CLEC9A: variants seen among roughly 807,000 people sequenced by gnomAD.
CLEC9A encodes the protein C-type lectin domain containing 9A.
Under a neutral mutation model 30.0 loss-of-function variants are expected in CLEC9A, and 24 were observed. The observed-to-expected ratio is 0.80, with a 90% CI of 0.58 to 1.13. The LOEUF is 1.13. Among genes scored for constraint, CLEC9A ranks in the 50% most tolerant of loss-of-function variants. The probability of loss-of-function intolerance (pLI) is 0.00; values close to 1 mark genes in which losing one functional copy is unlikely to be tolerated. For synonymous variants in CLEC9A, 111 were observed against 96.8 expected, an observed-to-expected ratio of 1.15 and a Z score of -0.86; for missense variants, 251 against 280.9, an observed-to-expected ratio of 0.89 and a Z score of 0.76.
intron 1 of CLEC9A, among the ~76,000 whole-genome samples, chr12:10,032,904 T>C (rs1226617405): frequency 6.6e-6 from 1 of 152,160 alleles, no homozygotes; most frequent in Non-Finnish European, 1.5e-5. Flanking sequence ...CTAATTTTCT[T>C]GACAACAAAA....
intron 2 of CLEC9A, chr12:10,045,829 G>C (rs1865841385): frequency 6.5e-6 from 1 of 152,748 alleles, no homozygotes; most frequent in African/African-American, 2.4e-5. Flanking sequence ...TTGATCACTT[G>C]CTTCTCAATC....
chr12:10,061,522 T>C (rs1252406710), intron 6 of CLEC9A, among the ~76,000 whole-genome samples: 2 of 152,106 alleles, frequency 1.3e-5, no homozygotes, highest in Non-Finnish European at 2.9e-5. Flanking sequence ...TGTGTGCAAT[T>C]AGTAGGTCAG....
At chr12:10,061,405 T>G in intron 6 of CLEC9A, 132 bp downstream of exon 6, 1 of 907,916 alleles carries the variant, frequency 1.1e-6, no homozygotes. Context: ...ATAATTTTGG[T>G]CACTCTTCAG....
chr12:10,054,567 CT>C (rs1865923712), intron 5 of CLEC9A, among the ~76,000 whole-genome samples: 1 of 152,112 alleles, frequency 6.6e-6, no homozygotes. Context: ...AAATCATGTG[CT>C]ATAGGTCTCT....
chr12:10,051,915 A>C (rs947918962), intron 2 of CLEC9A, 76 bp from the exon 3 acceptor site: 7 of 152,226 alleles, frequency 4.6e-5, no homozygotes. Context: ...GGTGGATGTG[A>C]ATGTGAGACA....
rs1438049850 is a variant in CLEC9A at position 10,062,055 on chromosome 12, C to T, written c.319+782C>T. Among the ~76,000 whole-genome samples the T allele has an allele frequency of 3.9e-5, 6 of 152,302 alleles. No homozygotes were observed. The East Asian group carries it at 9.6e-4, about 24-fold the overall frequency. The stretch of plus-strand genomic sequence containing the variant: ...GGCCATTGCAAACTCGGGTGAGGCC[C>T]ACCTCTGAGCCATCAACCTTGAATA... On this transcript the variant is annotated intron_variant, in intron 6 of 8. Coordinates refer to ENST00000355819, the MANE Select transcript of CLEC9A (RefSeq NM_207345.4).
At chr12:10,043,464 C>G (rs1865815249) in intron 2 of CLEC9A, 1 of 153,788 alleles carries the variant, frequency 6.5e-6, no homozygotes, top group South Asian at 2.0e-4. Context: ...GAGTCACTTA[C>G]TCCCTACTTC....
intron 1 of CLEC9A, among the ~76,000 whole-genome samples, chr12:10,040,020 G>A (rs570032139): frequency 9.9e-5 from 15 of 152,170 alleles, no homozygotes; most frequent in East Asian, 5.8e-4. Flanking sequence ...ACAAAGTTTC[G>A]CCACGTTGGC....
intron 5 of CLEC9A, among the ~76,000 whole-genome samples, chr12:10,055,953 G>A (rs1005694831): frequency 5.7e-4 from 86 of 150,522 alleles, no homozygotes; most frequent in African/African-American, 2.0e-3. Flanking sequence ...TAGCTACTCC[G>A]GAGGCTGAGG....
intron 1 of CLEC9A, among the ~76,000 whole-genome samples, chr12:10,039,736 A>AT (rs1865774793): frequency 6.6e-6 from 1 of 151,928 alleles, no homozygotes; most frequent in Non-Finnish European, 1.5e-5. Flanking sequence ...ATATTTGTTG[A>AT]TTTTTCATGA....
rs1261852504 is a variant in CLEC9A, at chr12:10,041,584, G to A, written c.-199G>A. 3.8e-6 allele frequency: 2 copies of A among 522,610 alleles called. No homozygotes were observed. The highest frequency in any genetic ancestry group is 1.9e-5 in the African/African-American group (1 of 51,546). The allele number at this position is 522,610 out of a possible 1,614,324, so 32.4% of individuals were successfully genotyped here. A position where few individuals can be genotyped will look rare whatever the true frequency, so the allele number is the denominator to read the frequency against. ...GTGAGCAGTACTGCACTGACATGAA[G>A]GCTACTCTCCTGAAGACTGACAACC... On this transcript the variant is annotated 5_prime_UTR_variant, in exon 2 of 9. Coordinates refer to ENST00000355819, the MANE Select transcript of CLEC9A (RefSeq NM_207345.4).
chr12:10,046,473 A>G (rs1865847233), intron 2 of CLEC9A, among the ~76,000 whole-genome samples: 1 of 152,204 alleles, frequency 6.6e-6, no homozygotes, highest in East Asian at 1.9e-4. Context: ...AGGCTACTAC[A>G]CAGAAGGACA....
chr12:10,063,315 T>C, intron 7 of CLEC9A, 109 bp downstream of exon 7: 4 of 1,018,552 alleles, frequency 3.9e-6, no homozygotes, highest in Non-Finnish European at 5.2e-6. Context: ...ATAACAGCAG[T>C]ATAATTGTAA....
chr12:10,037,480 G>A (rs1865753292), intron 1 of CLEC9A, among the ~76,000 whole-genome samples: 1 of 141,380 alleles, frequency 7.1e-6, no homozygotes, highest in Non-Finnish European at 1.5e-5. Flanking sequence ...TGACTATGAA[G>A]AGGCCACCGA....
Position 10,052,625 on chromosome 12 carries a change from A to G in CLEC9A, c.-58-5A>G. 6.3e-7 allele frequency: 1 copy of G among 1,592,414 alleles called. No individual in the cohort carries two copies. Among genetic ancestry groups the G allele is most frequent in the Non-Finnish European group, 8.5e-7 (1 of 1,170,006 alleles). On this transcript the variant is annotated splice_region_variant and splice_polypyrimidine_tract_variant and intron_variant, in intron 3 of 8. Transcript: ENST00000355819. Reference sequence around the variant, plus strand: ...TTCTTACACCAACCTGCTCCAAACCACAAGAGGAGTTACTTGTTCCAGCCT... The same window carrying G: ...TTCTTACACCAACCTGCTCCAAACCGCAAGAGGAGTTACTTGTTCCAGCCT...
At chr12:10,057,883 A>G (rs1344336921) in intron 5 of CLEC9A, among the ~76,000 whole-genome samples, 3 of 152,166 alleles carry the variant, frequency 2.0e-5, no homozygotes, top group South Asian at 2.1e-4. Flanking sequence ...ATATTTTCTA[A>G]CAAATCAGCT....
intron 5 of CLEC9A, among the ~76,000 whole-genome samples, chr12:10,060,179 A>C (rs1389440095): frequency 1.3e-5 from 2 of 152,242 alleles, no homozygotes; most frequent in Non-Finnish European, 1.5e-5. Context: ...CACTTCCTTA[A>C]AACACAACAA....
At chr12:10,059,586 A>G (rs982041618) in intron 5 of CLEC9A, among the ~76,000 whole-genome samples, 5 of 152,180 alleles carry the variant, frequency 3.3e-5, no homozygotes, top group Non-Finnish European at 7.4e-5. Flanking sequence ...TCATCAAAAT[A>G]AAACATACAT....
chr12:10,056,669 C>T (rs182648195), intron 5 of CLEC9A, among the ~76,000 whole-genome samples: 6 of 151,758 alleles, frequency 4.0e-5, no homozygotes, highest in Non-Finnish European at 8.8e-5. Flanking sequence ...TAAATAGTGA[C>T]GATGAGGAGA....
Sources: allele counts gnomAD v4.1 joint callset (sites outside exome capture counted in the v4.1 genomes callset), GRCh38; gene constraint gnomAD v4.1.1; transcripts MANE v1.5; gene names NCBI Gene and HGNC (gene_info 2026-07-23, HGNC 2026-07-21).